Variants in CHCHD4 observed in about 807,000 individuals in gnomAD.
CHCHD4 encodes mitochondrial intermembrane space import and assembly protein 40.
CHCHD4 carries 7 observed loss-of-function variants against 12.4 expected under a neutral mutation model. That is an observed-to-expected ratio of 0.57 (90% confidence interval 0.32 to 1.06). The LOEUF is 1.06. Ranked by LOEUF, CHCHD4 falls within the 50% of genes least tolerant of loss-of-function variation. The pLI is 0.04. For synonymous variants in CHCHD4, 56 were observed against 58.0 expected, an observed-to-expected ratio of 0.97 and a Z score of 0.16; for missense variants, 143 against 175.1, an observed-to-expected ratio of 0.82 and a Z score of 1.03.
chr3:14,117,325 TCTC>T (rs1177908044), intron 1 of CHCHD4, among the ~76,000 whole-genome samples: 1 of 152,120 alleles, frequency 6.6e-6, no homozygotes, highest in Non-Finnish European at 1.5e-5. Flanking sequence ...ATTAGGAGCT[TCTC>T]CTCACTGGAG....
chr3:14,115,106 T>TA (rs1355873257), intron 2 of CHCHD4, among the ~76,000 whole-genome samples: 1 of 152,194 alleles, frequency 6.6e-6, no homozygotes, highest in Non-Finnish European at 1.5e-5. Flanking sequence ...TTGGTCCACT[T>TA]ACTAATTTTG....
At chr3:14,119,590 A>G (rs1434414956) in intron 1 of CHCHD4, among the ~76,000 whole-genome samples, 3 of 152,260 alleles carry the variant, frequency 2.0e-5, no homozygotes, top group Non-Finnish European at 4.4e-5. Flanking sequence ...AGTTCTCATG[A>G]CATTTGTCAG....
At chr3:14,122,402 T>G (rs1180207816) in intron 1 of CHCHD4, among the ~76,000 whole-genome samples, 1 of 152,236 alleles carries the variant, frequency 6.6e-6, no homozygotes, top group Non-Finnish European at 1.5e-5. Flanking sequence ...TGCTCTATAA[T>G]TGTTGACTGA....
chr3:14,120,252 G>A (rs1022057237), intron 1 of CHCHD4, among the ~76,000 whole-genome samples: 2 of 152,088 alleles, frequency 1.3e-5, no homozygotes, highest in African/African-American at 4.8e-5. Context: ...ACTCTCGGTA[G>A]AGCCACCCCA....
At chr3:14,116,394 T>G (rs770538886) in intron 2 of CHCHD4, 32 bp downstream of exon 2, 38 of 1,395,838 alleles carry the variant, frequency 2.7e-5, no homozygotes, top group Non-Finnish European at 3.8e-5. Context: ...AGTGCCCTGG[T>G]GTGGGTCCCT....
intron 2 of CHCHD4, among the ~76,000 whole-genome samples, chr3:14,114,879 T>G (rs1694859960): frequency 6.6e-6 from 1 of 152,222 alleles, no homozygotes; most frequent in Non-Finnish European, 1.5e-5. Context: ...GTCTAAGGCC[T>G]GAAGTTCCAG....
At chr3:14,122,216 GC>G in intron 1 of CHCHD4, 1 of 1,288,602 alleles carries the variant, frequency 7.8e-7, no homozygotes, top group Non-Finnish European at 1.0e-6. Context: ...ACCCCATAGA[GC>G]CTTTCACTAA....
intron 2 of CHCHD4, 92 bp from the exon 3 acceptor site, chr3:14,113,286 G>T: frequency 9.3e-7 from 1 of 1,070,746 alleles, no homozygotes; most frequent in Non-Finnish European, 1.4e-6. Context: ...GTGCAGAACA[G>T]GAACTATTGT....
intron 1 of CHCHD4, among the ~76,000 whole-genome samples, chr3:14,124,131 C>G (rs1402191649): frequency 1.3e-5 from 2 of 152,222 alleles, no homozygotes; most frequent in Non-Finnish European, 2.9e-5. Context: ...ACAAGCCAGG[C>G]AAGTTTCCTT....
intron 2 of CHCHD4, among the ~76,000 whole-genome samples, chr3:14,114,556 C>T (rs1694856960): frequency 6.6e-6 from 1 of 152,122 alleles, no homozygotes; most frequent in Non-Finnish European, 1.5e-5. Context: ...AATGCTGCCC[C>T]CTGGAGCTTC....
intron 2 of CHCHD4, among the ~76,000 whole-genome samples, chr3:14,114,937 C>T (rs931135320): frequency 2.6e-5 from 4 of 152,328 alleles, no homozygotes; most frequent in African/African-American, 9.6e-5. Flanking sequence ...CCAGTTTTCT[C>T]ATTGGATCAG....
rs1051459843 is a variant in CHCHD4 at position 14,124,636 on chromosome 3, G to A, written c.22+19C>T. ...CAGGCCCTCGTAGGCCGGTCTCCGT[G>A]GCAGCCCGCCCTCCCTACCTTCCTG... On this transcript the variant is annotated intron_variant, in intron 1 of 2. Coordinates refer to ENST00000396914, the MANE Select transcript of CHCHD4 (RefSeq NM_001098502.2). 3 of 1,510,420 alleles carry A rather than the reference G, an allele frequency of 2.0e-6. No homozygotes were observed. Among genetic ancestry groups the A allele is most frequent in the Non-Finnish European group, 2.7e-6 (3 of 1,131,098 alleles). The allele number at this position is 1,510,420 out of a possible 1,614,324, so 93.6% of individuals were successfully genotyped here. A position where few individuals can be genotyped will look rare whatever the true frequency, so the allele number is the denominator to read the frequency against.
At chr3:14,113,670 A>C (rs1447072739) in intron 2 of CHCHD4, among the ~76,000 whole-genome samples, 2 of 150,368 alleles carry the variant, frequency 1.3e-5, no homozygotes, top group African/African-American at 2.5e-5. Flanking sequence ...TCAGAAGCTC[A>C]GCATAGCCTG....
rs1478621604 is a variant in CHCHD4, at chr3:14,122,219, T to C, written c.22+2436A>G. Reference sequence around the variant, plus strand: ...AAGCCTTCTCAGACCCCATAGAGCCTTTCACTAAACGATCATAGCATGCTG... The same window carrying C: ...AAGCCTTCTCAGACCCCATAGAGCCCTTCACTAAACGATCATAGCATGCTG... On this transcript the variant is annotated intron_variant, in intron 1 of 2. Coordinates refer to ENST00000396914, the MANE Select transcript of CHCHD4 (RefSeq NM_001098502.2). The C allele has an allele frequency of 8.6e-5, 110 of 1,280,854 alleles. 1 individual carries two copies. The highest frequency in any genetic ancestry group is 1.5e-4 in the Admixed American group (5 of 34,108). The allele number at this position is 1,280,854 out of a possible 1,614,324, so 79.3% of individuals were successfully genotyped here.
In CHCHD4 at chr3:14,124,655, C is replaced by A. The variant is rs9839833; in HGVS notation, c.22G>T (p.Gly8Trp). The A allele has an allele frequency of 6.6e-7, 1 of 1,523,636 alleles. No individual in the cohort carries two copies. Among genetic ancestry groups the A allele is most frequent in the Non-Finnish European group, 8.8e-7 (1 of 1,138,108 alleles). The allele number at this position is 1,523,636 out of a possible 1,614,324, so 94.4% of individuals were successfully genotyped here. A position where few individuals can be genotyped will look rare whatever the true frequency, so the allele number is the denominator to read the frequency against. The change falls in exon 1 of 3, where the codon GGG becomes TGG. Residue 8 changes from glycine (G) to tryptophan (W), a missense_variant and splice_region_variant. Physicochemically the swap from Gly to Trp is radical, Grantham distance 184. Coordinates refer to ENST00000396914, the MANE Select transcript of CHCHD4 (RefSeq NM_001098502.2). MSYCRQEGKDRIIFVTKE... is the reference protein window; with the variant it reads MSYCRQEWKDRIIFVTKE... ...CTCCGTGGCAGCCCGCCCTCCCTAC[C>A]TTCCTGCCGGCAATAGGACATGGCT...
In CHCHD4 at chr3:14,120,141, G is replaced by A. The variant is rs536918703; in HGVS notation, c.23-3617C>T. 1.4e-4 allele frequency among the ~76,000 whole-genome samples: 21 copies of A among 152,162 alleles called. No homozygotes were observed. In the South Asian group the frequency reaches 4.4e-3, roughly 32 times the overall value. ...GGTCAGAGTGGGGAACTGGAGGCCCGAGGGGTTACTCTGAGTGCAGGACTT... is the reference window on the plus strand; with the variant it reads ...GGTCAGAGTGGGGAACTGGAGGCCCAAGGGGTTACTCTGAGTGCAGGACTT... On this transcript the variant is annotated intron_variant, in intron 1 of 2. Coordinates refer to ENST00000396914, the MANE Select transcript of CHCHD4 (RefSeq NM_001098502.2).
intron 1 of CHCHD4, among the ~76,000 whole-genome samples, chr3:14,122,313 T>C (rs1694944168): frequency 6.6e-6 from 1 of 152,232 alleles, no homozygotes; most frequent in African/African-American, 2.4e-5. Flanking sequence ...TTAATGGCAA[T>C]CTGTTCCACC....
intron 1 of CHCHD4, among the ~76,000 whole-genome samples, chr3:14,117,739 C>G (rs982188174): frequency 2.0e-5 from 3 of 152,186 alleles, no homozygotes; most frequent in African/African-American, 7.2e-5. Context: ...TATCGCCACC[C>G]TGAGAGGGAG....
In CHCHD4 at chr3:14,121,616, G is replaced by A. The variant is rs145519295; in HGVS notation, c.22+3039C>T. 3.9e-5 allele frequency among the ~76,000 whole-genome samples: 6 copies of A among 152,258 alleles called. No homozygotes were observed. The South Asian group carries it at 8.3e-4, about 21-fold the overall frequency. ...CTGCACTAAGGACTTATTTTCTTTC[G>A]TTTTTGGCTAAGTTGATTCAATACA... On this transcript the variant is annotated intron_variant, in intron 1 of 2. Coordinates refer to ENST00000396914, the MANE Select transcript of CHCHD4 (RefSeq NM_001098502.2).
Sources: gnomAD v4.1 joint callset for allele counts (sites outside exome capture counted in the v4.1 genomes callset) on GRCh38, gnomAD v4.1.1 for gene constraint, MANE v1.5 for transcripts, NCBI Gene and HGNC (gene_info 2026-07-23, HGNC 2026-07-21) for gene names.